ERBB2: variants seen among roughly 807,000 people sequenced by gnomAD.
ERBB2 encodes receptor tyrosine-protein kinase erbB-2.
In ERBB2, 61 loss-of-function variants were observed where a neutral mutation model predicts 149.0. The ratio of observed to expected loss-of-function variants is 0.41; its 90% CI spans 0.33 to 0.51. The LOEUF is 0.51. ERBB2 is among the 20% of genes least tolerant of loss of function. The probability of loss-of-function intolerance (pLI) is 0.25; values close to 1 mark genes in which losing one functional copy is unlikely to be tolerated. For missense variants in ERBB2, 1,205 were observed against 1,655.1 expected (o/e 0.73, Z 4.72); for synonymous variants, 633 against 678.8 (o/e 0.93, Z 1.05).
At chr17:39,694,133 G>T (rs1169893800), upstream of ERBB2, among the ~76,000 whole-genome samples, 1 of 138,316 alleles carries the variant, frequency 7.2e-6, no homozygotes, top group Non-Finnish European at 1.5e-5. Flanking sequence ...CACGGAGGTT[G>T]CAGTGAGCCG....
chr17:39,698,917 T>C (rs1392937201), upstream of ERBB2, among the ~76,000 whole-genome samples: 1 of 151,630 alleles, frequency 6.6e-6, no homozygotes, highest in Middle Eastern at 3.2e-3. Context: ...AATGAATAAT[T>C]TGTTAGTATA....
chr17:39,706,474 A>T, intron 1 of ERBB2, among the ~76,000 whole-genome samples: 1 of 149,732 alleles, frequency 6.7e-6, no homozygotes, highest in Non-Finnish European at 1.5e-5. Context: ...CTCCTTCCCC[A>T]CTCTCTGGGT....
Position 39,727,214 on chromosome 17 carries a change from C to T in ERBB2, c.3160-81C>T, listed in dbSNP as rs1205446055. 6.5e-7 allele frequency: 1 copy of T among 1,536,062 alleles called. No homozygotes were observed. Among genetic ancestry groups the T allele is most frequent in the African/African-American group, 1.4e-5 (1 of 71,962 alleles). ...CCCAAAGGTGACCTCTGTTTTTCTC[C>T]TGTGACCCTGTCACCTTCCATGGAG... On this transcript the variant is annotated intron_variant, in intron 25 of 26. Transcript: ENST00000269571. This position sits in a 1 kb window ranked among gnomAD's most constrained non-coding sequence, Gnocchi z 4.3.
intron 12 of ERBB2, 155 bp downstream of exon 12, chr17:39,716,094 C>T (rs2059107766): frequency 3.0e-6 from 3 of 985,982 alleles, no homozygotes; most frequent in Middle Eastern, 3.1e-4. Context: ...GGCCTCTTGG[C>T]ATGGCTTCTC....
intron 1 of ERBB2, among the ~76,000 whole-genome samples, chr17:39,702,578 A>T (rs1225292291): frequency 6.6e-6 from 1 of 152,236 alleles, no homozygotes; most frequent in East Asian, 1.9e-4. Context: ...TTTGTCAAGA[A>T]AAAAACAATT....
At position 39,727,166 on chromosome 17, in the gene ERBB2, T is replaced by C; in HGVS notation, c.3160-129T>C. On this transcript the variant is annotated intron_variant, in intron 25 of 26. Coordinates refer to ENST00000269571, the MANE Select transcript of ERBB2 (RefSeq NM_004448.4). The surrounding 1 kb of genome is among the most constrained non-coding windows in gnomAD (Gnocchi z 4.3). ...CCTTCCAACCCCTGTGACCCCATTC[T>C]CTCCACGGTGACTGTGTCATACCCC... is the stretch of plus-strand genomic sequence containing the variant. 2 of 1,292,060 alleles carry C rather than the reference T, an allele frequency of 1.5e-6. No homozygotes were observed. Among genetic ancestry groups the C allele is most frequent in the Non-Finnish European group, 2.2e-6 (2 of 921,868 alleles). The allele number at this position is 1,292,060 out of a possible 1,614,324, so 80.0% of individuals were successfully genotyped here.
At position 39,719,850 on chromosome 17, in the gene ERBB2, A is replaced by G. The variant is rs910049361; in HGVS notation, c.1946+16A>G. On this transcript the variant is annotated intron_variant, in intron 16 of 26. Transcript: ENST00000269571. ...AGAGAGCCAGGTTGGCCTGGACCCC[A>G]GGATGTACCCTTCATTGCCCTTCAC... 6.2e-7 allele frequency: 1 copy of G among 1,613,790 alleles called. No individual in the cohort carries two copies. Among genetic ancestry groups the G allele is most frequent in the African/African-American group, 1.3e-5 (1 of 75,050 alleles).
chr17:39,725,045 C>T lies in ERBB2; in HGVS notation c.2494-4C>T, dbSNP rs2145861907. 1.9e-6 allele frequency: 3 copies of T among 1,614,096 alleles called. No individual in the cohort carries two copies. Among genetic ancestry groups the T allele is most frequent in the East Asian group, 2.2e-5 (1 of 44,870 alleles). ...AAGGTCTACATGGGTGCTTCCCATT[C>T]CAGGGGATGAGCTACCTGGAGGATG... On this transcript the variant is annotated splice_region_variant and splice_polypyrimidine_tract_variant and intron_variant, in intron 20 of 26. Transcript: ENST00000269571. The surrounding 1 kb of genome is among the most constrained non-coding windows in gnomAD (Gnocchi z 4.6).
At chr17:39,691,526 G>C (rs1047047778), upstream of ERBB2, among the ~76,000 whole-genome samples, 1 of 133,024 alleles carries the variant, frequency 7.5e-6, no homozygotes, top group Non-Finnish European at 1.6e-5. Flanking sequence ...CCTGGTGACA[G>C]AGCGAGACTC....
chr17:39,718,340 C>T (rs2059261494), intron 15 of ERBB2, among the ~76,000 whole-genome samples: 1 of 152,176 alleles, frequency 6.6e-6, no homozygotes, highest in African/African-American at 2.4e-5. Flanking sequence ...AGCCAACGTG[C>T]CCTTTCACTC....
At chr17:39,697,988 G>A (rs961559961), upstream of ERBB2, among the ~76,000 whole-genome samples, 15 of 152,034 alleles carry the variant, frequency 9.9e-5, no homozygotes, top group African/African-American at 3.1e-4. Flanking sequence ...CGCCATACTC[G>A]GCCAACTTTG....
intron 2 of ERBB2, chr17:39,707,423 A>C (rs914632057): frequency 3.0e-6 from 1 of 330,772 alleles, no homozygotes. Flanking sequence ...TCCCCTGTCC[A>C]CCTGCTCCAG....
upstream of ERBB2, among the ~76,000 whole-genome samples, chr17:39,699,142 G>C (rs2057950493): frequency 6.6e-6 from 1 of 151,978 alleles, no homozygotes; most frequent in Non-Finnish European, 1.5e-5. Context: ...AAGCAAGAAG[G>C]GTGCATTTTG....
At chr17:39,689,185 G>A (rs531034426) in intron 2 of ERBB2, among the ~76,000 whole-genome samples, 1 of 152,274 alleles carries the variant, frequency 6.6e-6, no homozygotes, top group African/African-American at 2.4e-5. Flanking sequence ...TGAGTCCTTA[G>A]CTCTAGCACC....
intron 19 of ERBB2, 139 bp from the exon 20 acceptor site, chr17:39,724,587 T>C: frequency 5.6e-6 from 4 of 720,598 alleles, no homozygotes; most frequent in Non-Finnish European, 9.4e-6. Flanking sequence ...AGAGACAGGG[T>C]TTCACCATGT....
chr17:39,716,517 T>A lies in ERBB2; in HGVS notation c.1649T>A (p.Leu550His). The change falls in exon 14 of 27, where the codon CTC becomes CAC. Residue 550 changes from leucine to histidine, a missense_variant and splice_region_variant. Leu to His is a moderately conservative substitution (Grantham distance 99, BLOSUM62 -3). Transcript: ENST00000269571. ...CVEECRVLQG[L>H]PREYVNARHC... is the part of the protein sequence containing the mutation. ...CTCACCACTGTCCCTTCTCTCAGGC[T>A]CCCCAGGGAGTATGTGAATGCCAGG... 1 of 1,614,048 alleles carries A rather than the reference T, an allele frequency of 6.2e-7. No individual in the cohort carries two copies. Among genetic ancestry groups the A allele is most frequent in the Non-Finnish European group, 8.5e-7 (1 of 1,179,968 alleles).
intron 15 of ERBB2, among the ~76,000 whole-genome samples, chr17:39,717,820 CAT>C (rs1403606912): frequency 4.0e-5 from 6 of 151,090 alleles, no homozygotes; most frequent in East Asian, 1.9e-4. Context: ...CACACACACA[CAT>C]ATGTATTTTT....
intron 15 of ERBB2, among the ~76,000 whole-genome samples, chr17:39,717,904 C>T (rs1416031216): frequency 5.3e-5 from 8 of 152,152 alleles, no homozygotes; most frequent in Admixed American, 2.0e-4. Context: ...GCCTCCACCT[C>T]CTGGGTTTAA....
intron 19 of ERBB2, among the ~76,000 whole-genome samples, chr17:39,724,264 G>T (rs549500443): frequency 1.6e-5 from 1 of 63,124 alleles, no homozygotes; most frequent in African/African-American, 5.1e-5. Context: ...GATTACAAGC[G>T]CCCGCTAATT....
Sources: allele counts gnomAD v4.1 joint callset (sites outside exome capture counted in the v4.1 genomes callset), GRCh38; gene constraint gnomAD v4.1.1; non-coding constraint Gnocchi (gnomAD v3.1); transcripts MANE v1.5; gene names NCBI Gene and HGNC (gene_info 2026-07-23, HGNC 2026-07-21).